The following CEP162 variants were observed in gnomAD, a reference collection of about 807,000 sequenced individuals.
The protein encoded by CEP162 is centrosomal protein of 162 kDa.
CEP162 carries 141 observed loss-of-function variants against 169.2 expected under a neutral mutation model. That is an observed-to-expected ratio of 0.83 (90% CI 0.73 to 0.96). CEP162 has a LOEUF of 0.96. Among genes scored for constraint, CEP162 ranks in the 40% least tolerant of loss-of-function variants. The pLI is 0.00. For synonymous variants in CEP162, 540 were observed against 526.4 expected (o/e 1.03, Z -0.35); for missense variants, 1,600 against 1,587.2 (o/e 1.01, Z -0.14).
At chr6:84,207,100 G>C (rs1015767001) in intron 6 of CEP162, among the ~76,000 whole-genome samples, 5 of 152,182 alleles carry the variant, frequency 3.3e-5, no homozygotes, top group African/African-American at 1.2e-4. Flanking sequence ...TGGAGAAACA[G>C]GAACGCTTTT....
At chr6:84,211,967 G>A (rs572421663) in intron 6 of CEP162, among the ~76,000 whole-genome samples, 6 of 148,130 alleles carry the variant, frequency 4.1e-5, no homozygotes, top group African/African-American at 1.5e-4. Flanking sequence ...CACAATAATA[G>A]GAATTACCGG....
At chr6:84,195,135 A>C (rs1318414342) in intron 9 of CEP162, 60 bp from the exon 10 acceptor site, 1 of 1,275,468 alleles carries the variant, frequency 7.8e-7, no homozygotes. Context: ...AGAACGATAA[A>C]ACACTAATAT....
chr6:84,193,202 G>A (rs1190981356), intron 11 of CEP162, among the ~76,000 whole-genome samples: 1 of 152,192 alleles, frequency 6.6e-6, no homozygotes, highest in Admixed American at 6.5e-5. Context: ...CATTTCTCTT[G>A]TGGCTACAAA....
At chr6:84,199,948 T>TAAAA (rs2099543777) in intron 9 of CEP162, among the ~76,000 whole-genome samples, 1 of 152,032 alleles carries the variant, frequency 6.6e-6, no homozygotes, top group Non-Finnish European at 1.5e-5. Flanking sequence ...TATGAGAGAG[T>TAAAA]TCTACATAAG....
intron 9 of CEP162, among the ~76,000 whole-genome samples, chr6:84,197,896 T>C (rs1279896940): frequency 6.6e-6 from 1 of 151,520 alleles, no homozygotes; most frequent in South Asian, 2.1e-4. Flanking sequence ...AGGGGTCTAG[T>C]TTCATGGAGC....
chr6:84,151,461 G>GT (rs2099521064), intron 23 of CEP162, among the ~76,000 whole-genome samples: 1 of 151,868 alleles, frequency 6.6e-6, no homozygotes, highest in African/African-American at 2.4e-5. Flanking sequence ...TAATTTACAG[G>GT]TAAAAAAAGG....
chr6:84,221,434 A>C (rs1215721322), intron 2 of CEP162, among the ~76,000 whole-genome samples: 3 of 152,186 alleles, frequency 2.0e-5, no homozygotes, highest in Non-Finnish European at 2.9e-5. Context: ...CTTGATCAAG[A>C]ATTTTTTTCA....
chr6:84,170,755 T>A (rs976205408), intron 17 of CEP162, among the ~76,000 whole-genome samples: 1 of 152,204 alleles, frequency 6.6e-6, no homozygotes, highest in Non-Finnish European at 1.5e-5. Flanking sequence ...TATGCTAGCT[T>A]GTCCATGTTC....
chr6:84,142,890 A>G (rs1008276736), intron 25 of CEP162, among the ~76,000 whole-genome samples: 3 of 152,124 alleles, frequency 2.0e-5, no homozygotes, highest in Non-Finnish European at 4.4e-5. Context: ...CATGTGTTGT[A>G]AAAATAGTTA....
At chr6:84,169,287 C>T in intron 18 of CEP162, 41 bp downstream of exon 18, 1 of 1,090,030 alleles carries the variant, frequency 9.2e-7, no homozygotes, top group African/African-American at 1.6e-5. Context: ...TTTTATAAAA[C>T]CTTTATTATC....
chr6:84,135,439 G>A (rs980871248), intron 25 of CEP162, among the ~76,000 whole-genome samples: 11 of 152,178 alleles, frequency 7.2e-5, no homozygotes, highest in African/African-American at 2.4e-4. Context: ...CAATCTGTGC[G>A]TAGCCCAGAG....
At chr6:84,173,897 C>A in intron 16 of CEP162, 151 bp downstream of exon 16, 2 of 524,564 alleles carry the variant, frequency 3.8e-6, no homozygotes, top group Non-Finnish European at 6.6e-6. Context: ...GTTGGCCAGG[C>A]TGGTCTCGAA....
At chr6:84,149,043 C>T (rs982960248) in intron 24 of CEP162, among the ~76,000 whole-genome samples, 1 of 152,124 alleles carries the variant, frequency 6.6e-6, no homozygotes, top group Non-Finnish European at 1.5e-5. Flanking sequence ...TATAATAATT[C>T]TTAGAAGACT....
chr6:84,189,398 G>C (rs542299549), intron 11 of CEP162, among the ~76,000 whole-genome samples: 3 of 152,186 alleles, frequency 2.0e-5, no homozygotes, highest in African/African-American at 7.2e-5. Flanking sequence ...CCGGGGCTGC[G>C]TGCGGCGCTT....
intron 9 of CEP162, among the ~76,000 whole-genome samples, chr6:84,197,336 A>T (rs1367899259): frequency 6.6e-6 from 1 of 152,060 alleles, no homozygotes; most frequent in African/African-American, 2.4e-5. Context: ...CCTAAGCCAT[A>T]TTAAAATTAA....
intron 5 of CEP162, among the ~76,000 whole-genome samples, chr6:84,214,402 CAATGCGAACA>C (rs1384606609): frequency 6.6e-6 from 1 of 152,158 alleles, no homozygotes; most frequent in Non-Finnish European, 1.5e-5. Context: ...CATGGGGAAC[CAATGCGAACA>C]AATGCGACAC....
chr6:84,155,100 C>T (rs2099522635), intron 22 of CEP162, among the ~76,000 whole-genome samples, 198 bp downstream of exon 22: 1 of 152,130 alleles, frequency 6.6e-6, no homozygotes, highest in South Asian at 2.1e-4. Context: ...TGCTTGATTA[C>T]TCTGTCAGAA....
At chr6:84,208,033 T>G (rs2099547983) in intron 6 of CEP162, among the ~76,000 whole-genome samples, 2 of 151,314 alleles carry the variant, frequency 1.3e-5, no homozygotes, top group South Asian at 4.2e-4. Context: ...TTTTTTTTTT[T>G]TTTTGTCTCT....
chr6:84,171,030 C>A (rs1174493124), intron 17 of CEP162, among the ~76,000 whole-genome samples: 1 of 152,192 alleles, frequency 6.6e-6, no homozygotes, highest in Non-Finnish European at 1.5e-5. Flanking sequence ...AACTCTGGTA[C>A]AATTTATTCT....
Sources: allele counts gnomAD v4.1 joint callset (sites outside exome capture counted in the v4.1 genomes callset), GRCh38; gene constraint gnomAD v4.1.1; transcripts MANE v1.5; gene names NCBI Gene and HGNC (gene_info 2026-07-23, HGNC 2026-07-21).